The following GSAP variants were observed in gnomAD, a reference collection of about 807,000 sequenced individuals.
GSAP encodes the protein gamma-secretase-activating protein.
Under a neutral mutation model 131.7 loss-of-function variants are expected in GSAP, and 118 were observed. The ratio of observed to expected loss-of-function variants is 0.90; its 90% CI spans 0.77 to 1.04. The LOEUF is 1.04. GSAP is among the 50% of genes least tolerant of loss of function. The pLI is 0.00. For missense variants in GSAP, 1,019 were observed against 1,013.2 expected (o/e 1.01, Z -0.08); for synonymous variants, 381 against 363.4 (o/e 1.05, Z -0.55).
At chr7:77,389,404 A>C (rs1324424262) in intron 5 of GSAP, among the ~76,000 whole-genome samples, 2 of 150,476 alleles carry the variant, frequency 1.3e-5, no homozygotes, top group Non-Finnish European at 3.0e-5. Context: ...GTCATTTAGC[A>C]TTAGGTATAT....
chr7:77,416,461 C>T (rs565167290), upstream of GSAP: 100 of 472,372 alleles, frequency 2.1e-4, no homozygotes, highest in South Asian at 3.3e-3. Context: ...GGTTCTGCAG[C>T]GCCCTGGCCT....
chr7:77,390,635 T>C (rs1186896181), intron 5 of GSAP, among the ~76,000 whole-genome samples: 1 of 152,084 alleles, frequency 6.6e-6, no homozygotes, highest in Non-Finnish European at 1.5e-5. Context: ...TTCTGTTCCA[T>C]TGGTATATAC....
At chr7:77,359,667 A>G (rs568182354) in intron 14 of GSAP, among the ~76,000 whole-genome samples, 6 of 152,304 alleles carry the variant, frequency 3.9e-5, no homozygotes, top group East Asian at 1.9e-4. Flanking sequence ...AAGATAGCCT[A>G]TTTTTACAAA....
intron 18 of GSAP, among the ~76,000 whole-genome samples, chr7:77,350,165 T>C (rs1792585244): frequency 6.7e-6 from 1 of 149,368 alleles, no homozygotes; most frequent in Admixed American, 6.8e-5. Flanking sequence ...CAGTAAACTA[T>C]CGCAAGGACA....
At chr7:77,404,928 C>T (rs764517069) in intron 2 of GSAP, among the ~76,000 whole-genome samples, 1 of 152,164 alleles carries the variant, frequency 6.6e-6, no homozygotes, top group Non-Finnish European at 1.5e-5. Flanking sequence ...ATAGGGATGA[C>T]TAGGACAAGT....
At chr7:77,374,397 T>C (rs1796551902) in intron 11 of GSAP, among the ~76,000 whole-genome samples, 1 of 152,192 alleles carries the variant, frequency 6.6e-6, no homozygotes, top group Admixed American at 6.5e-5. Flanking sequence ...TTATAACTTT[T>C]CTGATATAGA....
intron 2 of GSAP, 88 bp from the exon 3 acceptor site, chr7:77,404,703 A>C: frequency 1.3e-6 from 1 of 748,280 alleles, no homozygotes. Context: ...GCAATAACTC[A>C]ATCTTAGCAG....
chr7:77,414,323 G>A (rs1343728852), intron 1 of GSAP, among the ~76,000 whole-genome samples: 2 of 152,252 alleles, frequency 1.3e-5, no homozygotes, highest in Non-Finnish European at 2.9e-5. Flanking sequence ...TGCTAGAAAT[G>A]AGACAGAATC....
Position 77,382,559 on chromosome 7 carries a change from T to A in GSAP, c.526+15A>T. 1 of 1,393,762 alleles carries A rather than the reference T, an allele frequency of 7.2e-7. No individual in the cohort carries two copies. 86.3% of individuals were successfully genotyped at this position (1,393,762 alleles called of 1,614,324 possible). A position where few individuals can be genotyped will look rare whatever the true frequency, so the allele number is the denominator to read the frequency against. The stretch of plus-strand genomic sequence containing the variant: ...ATTCATGAAATTCCCATATTCCACC[T>A]AAAGATACACTTACATTTCTCTTCT... On this transcript the variant is annotated intron_variant, in intron 7 of 30. Transcript: ENST00000257626.
intron 3 of GSAP, among the ~76,000 whole-genome samples, chr7:77,399,703 TG>T (rs60305186): frequency 0.21 from 23,972 of 113,758 alleles, 2,360 homozygotes; most frequent in African/African-American, 0.34. Context: ...AAACTTGAGG[TG>T]GGGGGGGGCG....
At chr7:77,350,399 T>G (rs1315938218) in intron 18 of GSAP, among the ~76,000 whole-genome samples, 1 of 148,998 alleles carries the variant, frequency 6.7e-6, no homozygotes, top group Non-Finnish European at 1.5e-5. Flanking sequence ...ATTGTGCACA[T>G]GTACCCTAAA....
intron 19 of GSAP, among the ~76,000 whole-genome samples, chr7:77,333,283 T>C (rs1011191393): frequency 2.0e-5 from 3 of 152,148 alleles, no homozygotes; most frequent in Non-Finnish European, 4.4e-5. Context: ...GGAAAGGATA[T>C]TCCAGGTGGG....
At chr7:77,403,654 A>G (rs189331986) in intron 3 of GSAP, among the ~76,000 whole-genome samples, 101 of 152,314 alleles carry the variant, frequency 6.6e-4, no homozygotes, top group African/African-American at 1.7e-3. Flanking sequence ...AGAAGCAGAA[A>G]GAGTCAGAGG....
rs1195585809 is a variant in GSAP at position 77,404,581 on chromosome 7, T to A, written c.221A>T (p.Asp74Val). 1 of 1,559,056 alleles carries A rather than the reference T, an allele frequency of 6.4e-7. No individual in the cohort carries two copies. Among genetic ancestry groups the A allele is most frequent in the Admixed American group, 1.7e-5 (1 of 59,388 alleles). ...TACCTCATTTTGTCTGGTTTGACAA[T>A]CATATAATCCAAAGACGACATTTCC... ...DKGNVVFGLY[D>V]CQTRQNELLY... Residue 74 changes from aspartate (D) to valine (V), a missense_variant, in exon 3 of 31, where the codon GAT becomes GTT. Asp to Val is a radical substitution (Grantham distance 152). Transcript: ENST00000257626.
intron 5 of GSAP, 118 bp downstream of exon 5, chr7:77,396,864 T>G: frequency 1.7e-6 from 1 of 589,420 alleles, no homozygotes; most frequent in Non-Finnish European, 2.9e-6. Context: ...TTGCCTTTTA[T>G]TCTGAGATAC....
chr7:77,330,330 G>A lies in GSAP; in HGVS notation c.1583C>T (p.Ser528Phe). 2 of 1,613,800 alleles carry A rather than the reference G, an allele frequency of 1.2e-6. No individual in the cohort carries two copies. The highest frequency in any genetic ancestry group is 1.1e-5 in the South Asian group (1 of 91,034). The change falls in exon 20 of 31, where the codon TCC becomes TTC. Residue 528 changes from serine to phenylalanine, a missense_variant. Coordinates refer to ENST00000257626, the MANE Select transcript of GSAP (RefSeq NM_017439.4). ...SFKGYWEKLN[S>F]NLEYVKYAKP... ...GGCGTACTTAACATATTCTAGGTTG[G>A]AGTTCAGTTTTTCCCAGTAGCCCTT...
chr7:77,374,467 A>T (rs1796561585), intron 11 of GSAP, among the ~76,000 whole-genome samples: 2 of 152,192 alleles, frequency 1.3e-5, no homozygotes, highest in Non-Finnish European at 2.9e-5. Context: ...GATGAAATAA[A>T]GCTAGTGAAA....
At chr7:77,316,700 T>C (rs2150593687) in intron 26 of GSAP, among the ~76,000 whole-genome samples, 1 of 152,298 alleles carries the variant, frequency 6.6e-6, no homozygotes, top group East Asian at 1.9e-4. Context: ...TAAAGGTCCC[T>C]GATGACCCTT....
chr7:77,330,590 T>TA, intron 19 of GSAP: 1 of 1,100,986 alleles, frequency 9.1e-7, no homozygotes, highest in Non-Finnish European at 1.1e-6. Flanking sequence ...TTTTTTTTTT[T>TA]TTTGTCGTTG....
Sources: gnomAD v4.1 joint callset for allele counts (sites outside exome capture counted in the v4.1 genomes callset) on GRCh38, gnomAD v4.1.1 for gene constraint, MANE v1.5 for transcripts, NCBI Gene and HGNC (gene_info 2026-07-23, HGNC 2026-07-21) for gene names.